DNAH17: variants seen among roughly 807,000 people sequenced by gnomAD.
DNAH17 encodes the protein dynein axonemal heavy chain 17, also known as axonemal beta dynein heavy chain 17.
DNAH17 carries 376 observed loss-of-function variants against 485.6 expected under a neutral mutation model. The ratio of observed to expected loss-of-function variants is 0.77; its 90% CI spans 0.71 to 0.84. The LOEUF (loss-of-function observed/expected upper bound fraction) is 0.84. DNAH17 is among the 40% of genes least tolerant of loss of function. DNAH17 has a pLI of 0.00. For missense variants in DNAH17, 6,370 were observed against 5,839.3 expected (o/e 1.09, Z -2.96); for synonymous variants, 3,031 against 2,405.9 (o/e 1.26, Z -7.60).
At chr17:78,510,593 T>G in intron 26 of DNAH17, 87 bp from the exon 27 acceptor site, 1 of 1,558,170 alleles carries the variant, frequency 6.4e-7, no homozygotes, top group Non-Finnish European at 8.8e-7. Context: ...TGGAGAGCCA[T>G]TGCCGGGGCA....
Position 78,449,572 on chromosome 17 carries a change from C to T in DNAH17, c.11053G>A (p.Val3685Met). 2 of 1,606,026 alleles carry T rather than the reference C, an allele frequency of 1.2e-6. No homozygotes were observed. The highest frequency in any genetic ancestry group is 1.3e-5 in the African/African-American group (1 of 74,846). The part of the protein sequence containing the change: ...YQFSLKAFNV[V>M]FEKAIQRTTP... ...GTCCTCTGGATGGCTTTCTCAAACA[C>T]CACGTTGAAGGCCTGGGGATCCGCC... The change falls in exon 69 of 81, where the codon GTG becomes ATG. Residue 3685 changes from valine to methionine, a missense_variant. By Grantham distance (21) the Val-to-Met change is conservative. Transcript: ENST00000389840.
rs537043508 is a variant in DNAH17 at position 78,431,448 on chromosome 17, A to AC, written c.12226-2149dup. Among the ~76,000 whole-genome samples the AC allele has an allele frequency of 4.7e-4, 65 of 137,600 alleles. 1 individual carries two copies. Among genetic ancestry groups the AC allele is most frequent in the Non-Finnish European group, 5.1e-4 (32 of 63,356 alleles). The allele number at this position is 137,600 out of a possible 152,430, so 90.3% of individuals were successfully genotyped here. On this transcript the variant is annotated intron_variant, in intron 75 of 80. Transcript: ENST00000389840. ...TGCATTTCCCGTACCTGCTGAGGGA[A>AC]CCCCCCACCCCGAGACTCCTGGGGG...
chr17:78,450,781 C>T lies in DNAH17; in HGVS notation c.10800G>A (p.Leu3600=), dbSNP rs1461452742. The T allele has an allele frequency of 1.2e-6, 2 of 1,613,946 alleles. No individual in the cohort carries two copies. Among genetic ancestry groups the T allele is most frequent in the African/African-American group, 2.7e-5 (2 of 74,950 alleles). The change falls in exon 67 of 81, where the codon CTG becomes CTA. Residue 3600 remains leucine, a synonymous_variant. Coordinates refer to ENST00000389840, the MANE Select transcript of DNAH17 (RefSeq NM_173628.4). ...TCCCCGACGCAGCCGACAGACGGGC[C>T]AGGAGCGAATCTTCCAGCTCTTTCA... The part of the protein sequence containing the change: ...IVLKELEDSL[L]ARLSAASGNF...
chr17:78,530,172 G>A (rs767390288), intron 21 of DNAH17, among the ~76,000 whole-genome samples, 171 bp downstream of exon 21: 10 of 152,214 alleles, frequency 6.6e-5, no homozygotes, highest in Admixed American at 2.0e-4. Context: ...CTCGCAGCCC[G>A]GTGACACCTT....
At chr17:78,467,597 CGATGGCCGGCA>C (rs1316869815) in intron 55 of DNAH17, among the ~76,000 whole-genome samples, 1 of 152,110 alleles carries the variant, frequency 6.6e-6, no homozygotes, top group African/African-American at 2.4e-5. Flanking sequence ...CAGGGGAAAA[CGATGGCCGGCA>C]GGTGTCCAGG....
At chr17:78,557,657 A>AAAAAAAAAAAAAAAAAAAT (rs2092055928) in intron 14 of DNAH17, among the ~76,000 whole-genome samples, 1 of 149,600 alleles carries the variant, frequency 6.7e-6, no homozygotes, top group Admixed American at 6.6e-5. Context: ...AAAAAAAAAA[A>AAAAAAAAAAAAAAAAAAAT]AAAAAAGTAA....
chr17:78,426,787 T>C, intron 78 of DNAH17, 139 bp downstream of exon 78: 1 of 1,297,232 alleles, frequency 7.7e-7, no homozygotes, highest in South Asian at 1.4e-5. Context: ...GGGCTTGTTC[T>C]GGAACTGCCA....
intron 56 of DNAH17, among the ~76,000 whole-genome samples, chr17:78,463,795 T>C (rs1008488849): frequency 2.6e-5 from 4 of 152,238 alleles, no homozygotes; most frequent in East Asian, 1.9e-4. Context: ...GCCCCAGAAA[T>C]TGTCTCAGCA....
intron 2 of DNAH17, 61 bp from the exon 3 acceptor site, chr17:78,572,955 A>G: frequency 1.9e-5 from 29 of 1,497,142 alleles, no homozygotes; most frequent in Non-Finnish European, 2.6e-5. Context: ...GCAACCGCAC[A>G]GAGCCAGGTC....
intron 14 of DNAH17, 116 bp from the exon 15 acceptor site, chr17:78,552,921 C>G (rs2091935640): frequency 1.4e-6 from 1 of 728,058 alleles, no homozygotes; most frequent in African/African-American, 1.7e-5. Context: ...TGTGTCCCCA[C>G]TCAGGTCTCA....
intron 56 of DNAH17, among the ~76,000 whole-genome samples, chr17:78,465,212 G>A (rs1283195095): frequency 3.9e-5 from 6 of 152,162 alleles, no homozygotes; most frequent in African/African-American, 7.2e-5. Context: ...GATTGCAGAC[G>A]GAGTCTCATT....
intron 17 of DNAH17, among the ~76,000 whole-genome samples, chr17:78,540,663 T>C (rs1163387679): frequency 1.0e-5 from 1 of 98,250 alleles, no homozygotes; most frequent in East Asian, 3.0e-4. Context: ...GGTGGGTAGA[T>C]GTATGAGTAG....
At chr17:78,443,545 CTTTTTA>C (rs59174748) in intron 71 of DNAH17, among the ~76,000 whole-genome samples, 127,338 of 150,796 alleles carry the variant, frequency 0.84, 53,881 homozygotes, top group East Asian at 0.95. Flanking sequence ...GAAGGGAATT[CTTTTTA>C]TTTTTATTTT....
chr17:78,486,006 G>C lies in DNAH17; in HGVS notation c.7229C>G (p.Thr2410Arg), dbSNP rs568231815. 4 of 1,613,852 alleles carry C rather than the reference G, an allele frequency of 2.5e-6. No individual in the cohort carries two copies. In the African/African-American group the frequency reaches 5.3e-5, roughly 22 times the overall value. The change falls in exon 46 of 81, where the codon ACA becomes AGA. Residue 2410 changes from threonine (T) to arginine (R), a missense_variant. Physicochemically the swap from Thr to Arg is moderately conservative, Grantham distance 71. Transcript: ENST00000389840. ...DPDTKKFLPW[T>R]DKVPSFELDP... ...CAGCTCAAAGGAGGGCACTTTATCT[G>C]TCCAGGGCAGGAACTTTTTTGTGTC...
At chr17:78,437,980 C>CA in intron 73 of DNAH17, 112 bp from the exon 74 acceptor site, 1 of 742,818 alleles carries the variant, frequency 1.3e-6, no homozygotes, top group Non-Finnish European at 2.2e-6. Flanking sequence ...CTGCCAGCAC[C>CA]CCACACTTGC....
At chr17:78,520,092 A>AC in intron 25 of DNAH17, among the ~76,000 whole-genome samples, 1 of 145,674 alleles carries the variant, frequency 6.9e-6, no homozygotes, top group African/African-American at 2.6e-5. Context: ...GGCCTGGGCG[A>AC]TAGAACGAAA....
At chr17:78,437,032 T>C (rs1350616483) in intron 74 of DNAH17, among the ~76,000 whole-genome samples, 1 of 152,136 alleles carries the variant, frequency 6.6e-6, no homozygotes, top group Non-Finnish European at 1.5e-5. Context: ...AGGCAGGCCC[T>C]CACCCTCCGT....
chr17:78,555,812 C>T (rs955923579), intron 14 of DNAH17, among the ~76,000 whole-genome samples: 7 of 152,136 alleles, frequency 4.6e-5, no homozygotes, highest in East Asian at 1.9e-4. Context: ...CTCATCCAAC[C>T]GTTGAGGGCC....
chr17:78,484,225 G>C (rs758069110), intron 48 of DNAH17, among the ~76,000 whole-genome samples: 9 of 150,950 alleles, frequency 6.0e-5, no homozygotes, highest in Non-Finnish European at 1.2e-4. Flanking sequence ...ACTCTGTCCC[G>C]AGGCCCTGGG....
Sources: gnomAD v4.1 joint callset for allele counts (sites outside exome capture counted in the v4.1 genomes callset) on GRCh38, gnomAD v4.1.1 for gene constraint, MANE v1.5 for transcripts, NCBI Gene and HGNC (gene_info 2026-07-23, HGNC 2026-07-21) for gene names.